Variants in CASQ2 observed in about 807,000 individuals in gnomAD.
CASQ2 encodes calsequestrin 2.
Under a neutral mutation model 46.5 loss-of-function variants are expected in CASQ2, and 49 were observed. The ratio of observed to expected loss-of-function variants is 1.05; its 90% CI spans 0.84 to 1.34. The LOEUF (loss-of-function observed/expected upper bound fraction) is 1.34, where lower values mean the gene tolerates loss of function less well. Ranked by LOEUF, CASQ2 falls within the 40% of genes most tolerant of loss-of-function variation. CASQ2 has a pLI of 0.00. For synonymous variants in CASQ2, 174 were observed against 168.5 expected (o/e 1.03, Z -0.25); for missense variants, 486 against 481.3 (o/e 1.01, Z -0.09).
At chr1:115,745,070 C>T (rs965638571) in intron 1 of CASQ2, among the ~76,000 whole-genome samples, 158 bp from the exon 2 acceptor site, 8 of 152,158 alleles carry the variant, frequency 5.3e-5, no homozygotes, top group Admixed American at 3.3e-4. Context: ...GTATTCTTGT[C>T]CCCTCAGGGG....
chr1:115,761,497 G>GA (rs1648956584), intron 1 of CASQ2, among the ~76,000 whole-genome samples: 3 of 18,940 alleles, frequency 1.6e-4, no homozygotes, highest in African/African-American at 2.8e-4. Context: ...GGAGAAGAAG[G>GA]AGAAGAAGAA....
intron 8 of CASQ2, among the ~76,000 whole-genome samples, chr1:115,707,521 C>A (rs1654400980): frequency 6.6e-6 from 1 of 152,156 alleles, no homozygotes; most frequent in Non-Finnish European, 1.5e-5. Context: ...GGGCATTACT[C>A]CTGCTGCCTG....
At chr1:115,761,557 C>T (rs1159171259) in intron 1 of CASQ2, among the ~76,000 whole-genome samples, 4 of 148,148 alleles carry the variant, frequency 2.7e-5, no homozygotes, top group Admixed American at 6.8e-5. Flanking sequence ...TGAGTCTTGT[C>T]AATGATGATG....
At chr1:115,732,524 T>C (rs778509117) in intron 5 of CASQ2, among the ~76,000 whole-genome samples, 3 of 152,040 alleles carry the variant, frequency 2.0e-5, no homozygotes, top group Non-Finnish European at 2.9e-5. Flanking sequence ...CTACTTCCCA[T>C]CCTGACGCAG....
At chr1:115,763,183 G>C (rs941640195) in intron 1 of CASQ2, among the ~76,000 whole-genome samples, 2 of 152,142 alleles carry the variant, frequency 1.3e-5, no homozygotes, top group East Asian at 3.8e-4. Flanking sequence ...TGTCTCCATG[G>C]GGGGAAAGAG....
intron 5 of CASQ2, among the ~76,000 whole-genome samples, chr1:115,729,257 C>T (rs373178074): frequency 2.0e-5 from 3 of 152,030 alleles, no homozygotes; most frequent in African/African-American, 7.2e-5. Context: ...GCCATGTTGG[C>T]CAGGCTGGTC....
At chr1:115,749,619 T>A (rs1364594053) in intron 1 of CASQ2, among the ~76,000 whole-genome samples, 1 of 152,150 alleles carries the variant, frequency 6.6e-6, no homozygotes, top group Non-Finnish European at 1.5e-5. Flanking sequence ...CCCACTTGAG[T>A]TCTGTGGTCA....
In CASQ2 at chr1:115,701,238, G is replaced by T. The variant is rs765725948; in HGVS notation, c.*3C>A. ...GTTTTCATCAGAATTGTTTGGAGTT[G>T]GGCTATTCATCATCATCGTCATCAC... On this transcript the variant is annotated 3_prime_UTR_variant, in exon 11 of 11. Transcript: ENST00000261448. 1.2e-6 allele frequency: 2 copies of T among 1,613,480 alleles called. No individual in the cohort carries two copies. The highest frequency in any genetic ancestry group is 1.7e-6 in the Non-Finnish European group (2 of 1,179,630).
intron 2 of CASQ2, among the ~76,000 whole-genome samples, chr1:115,742,949 G>T (rs543361745): frequency 4.6e-4 from 70 of 151,634 alleles, no homozygotes; most frequent in Non-Finnish European, 8.7e-4. Context: ...CACCATGCCC[G>T]GCTAATTTGT....
chr1:115,765,041 C>T (rs1447119246), intron 1 of CASQ2, among the ~76,000 whole-genome samples: 1 of 152,216 alleles, frequency 6.6e-6, no homozygotes, highest in Non-Finnish European at 1.5e-5. Flanking sequence ...AGAATATTTG[C>T]TGTTTTGCCA....
intron 1 of CASQ2, among the ~76,000 whole-genome samples, chr1:115,760,432 T>C (rs1396704505): frequency 6.6e-6 from 1 of 152,198 alleles, no homozygotes; most frequent in African/African-American, 2.4e-5. Flanking sequence ...AGATGAGGTC[T>C]CACTATGTTG....
In CASQ2 at chr1:115,701,145, C is replaced by T; in HGVS notation, c.*96G>A. 1 of 1,596,180 alleles carries T rather than the reference C, an allele frequency of 6.3e-7. No homozygotes were observed. On this transcript the variant is annotated 3_prime_UTR_variant, in exon 11 of 11. Coordinates refer to ENST00000261448, the MANE Select transcript of CASQ2 (RefSeq NM_001232.4). ...ATGATGGAAAAGGGAAAGGAGCTGG[C>T]TGGGTGTGGGGCAGAATTGCTTGCT...
chr1:115,715,711 A>T lies in CASQ2; in HGVS notation c.838+2129T>A, dbSNP rs540032357. 8.5e-5 allele frequency among the ~76,000 whole-genome samples: 13 copies of T among 152,352 alleles called. No individual in the cohort carries two copies. In the South Asian group the frequency reaches 2.7e-3, roughly 32 times the overall value. ...TATATGGATTATATCTTGATTTTAT[A>T]AATTATATGATAAAAAATGTGGGTT... On this transcript the variant is annotated intron_variant, in intron 8 of 10. Transcript: ENST00000261448.
rs267597944 is a variant in CASQ2, at chr1:115,701,390, C to T, written c.1051G>A (p.Asp351Asn). The part of the protein sequence containing the change: ...SVWMEIPDDD[D>N]LPTAEELEDW... ...TCCAGCTCCTCAGCAGTTGGAAGATCGTCATCATCTGGAATCTCCATCCAG... is the reference window on the plus strand; with the variant it reads ...TCCAGCTCCTCAGCAGTTGGAAGATTGTCATCATCTGGAATCTCCATCCAG... The change falls in exon 11 of 11, where the codon GAT (aspartate) becomes AAT (asparagine). Residue 351 changes from aspartate to asparagine, a missense_variant. By Grantham distance (23) the Asp-to-Asn change is conservative. Transcript: ENST00000261448. The T allele has an allele frequency of 1.8e-5, 29 of 1,613,782 alleles. No homozygotes were observed. Among genetic ancestry groups the T allele is most frequent in the Non-Finnish European group, 2.3e-5 (27 of 1,179,806 alleles).
At chr1:115,720,459 A>C (rs1274509101) in intron 7 of CASQ2, among the ~76,000 whole-genome samples, 1 of 152,164 alleles carries the variant, frequency 6.6e-6, no homozygotes, top group Non-Finnish European at 1.5e-5. Context: ...CCAATGTATG[A>C]ATTTGCATGG....
At chr1:115,764,747 C>T (rs1649077648) in intron 1 of CASQ2, among the ~76,000 whole-genome samples, 1 of 152,206 alleles carries the variant, frequency 6.6e-6, no homozygotes, top group African/African-American at 2.4e-5. Flanking sequence ...GATTGGAAAG[C>T]AAAGTTTGAG....
chr1:115,767,501 G>A (rs948785335), intron 1 of CASQ2, among the ~76,000 whole-genome samples: 9 of 152,136 alleles, frequency 5.9e-5, no homozygotes, highest in Admixed American at 3.9e-4. Flanking sequence ...TGGGCTAGGC[G>A]TGGAGACTGA....
At chr1:115,709,826 T>C (rs966318677) in intron 8 of CASQ2, among the ~76,000 whole-genome samples, 34 of 152,310 alleles carry the variant, frequency 2.2e-4, no homozygotes, top group East Asian at 1.9e-4. Context: ...TCTTCCTTTA[T>C]GGACACTGGA....
intron 1 of CASQ2, among the ~76,000 whole-genome samples, chr1:115,753,400 C>A (rs1648648347): frequency 6.6e-6 from 1 of 152,120 alleles, no homozygotes; most frequent in African/African-American, 2.4e-5. Context: ...GTGGTCATAT[C>A]AAATGTTGCA....
Sources: allele counts gnomAD v4.1 joint callset (sites outside exome capture counted in the v4.1 genomes callset), GRCh38; gene constraint gnomAD v4.1.1; transcripts MANE v1.5; gene names NCBI Gene and HGNC (gene_info 2026-07-23, HGNC 2026-07-21).